Variants in KCNMA1 observed in about 807,000 individuals in gnomAD.
The protein encoded by KCNMA1 is Calcium-activated potassium channel subunit alpha-1.
KCNMA1 carries 29 observed loss-of-function variants against 140.0 expected under a neutral mutation model. The observed-to-expected ratio is 0.21, with a 90% CI of 0.15 to 0.28. The LOEUF is 0.28. Ranked by LOEUF, KCNMA1 falls within the 10% of genes least tolerant of loss-of-function variation. The pLI is 1.00. For synonymous variants in KCNMA1, 612 were observed against 611.9 expected, an observed-to-expected ratio of 1.00 and a Z score of 0.00; for missense variants, 880 against 1,602.2, an observed-to-expected ratio of 0.55 and a Z score of 7.70.
At chr10:77,279,810 T>C (rs1341541961) in intron 2 of KCNMA1, among the ~76,000 whole-genome samples, 1 of 152,182 alleles carries the variant, frequency 6.6e-6, no homozygotes, top group Non-Finnish European at 1.5e-5. Flanking sequence ...GATGGTTTTA[T>C]AAGGAGGGGT....
At chr10:77,004,213 C>CCACACACA (rs35789536) in intron 18 of KCNMA1, among the ~76,000 whole-genome samples, 5,691 of 144,386 alleles carry the variant, frequency 0.039, 186 homozygotes, top group African/African-American at 0.086. Flanking sequence ...ACAAGTGCCA[C>CCACACACA]CACACACACA....
chr10:77,484,050 C>A (rs550390578), intron 1 of KCNMA1, among the ~76,000 whole-genome samples: 18 of 152,328 alleles, frequency 1.2e-4, no homozygotes, highest in Non-Finnish European at 2.5e-4. Context: ...AAGTCACCTA[C>A]GGTGCAAAGG....
At chr10:77,300,455 T>TAAGG (rs1321420140) in intron 2 of KCNMA1, among the ~76,000 whole-genome samples, 2 of 152,338 alleles carry the variant, frequency 1.3e-5, no homozygotes, top group African/African-American at 4.8e-5. Context: ...GTAATCCATA[T>TAAGG]AAGGCACTCT....
chr10:77,082,007 CTTTTTTT>C (rs201288668), intron 12 of KCNMA1, among the ~76,000 whole-genome samples: 3 of 32,514 alleles, frequency 9.2e-5, no homozygotes, highest in Admixed American at 7.3e-4. Context: ...TTTTTCTTTT[CTTTTTTT>C]TTTTTTTTTT....
At chr10:77,397,839 G>T (rs188219851) in intron 2 of KCNMA1, among the ~76,000 whole-genome samples, 162 of 152,116 alleles carry the variant, frequency 1.1e-3, no homozygotes, top group Non-Finnish European at 1.7e-3. Flanking sequence ...ACACTATTTA[G>T]CTCCCACTTA....
At chr10:77,618,052 C>T (rs2090160056) in intron 1 of KCNMA1, among the ~76,000 whole-genome samples, 1 of 152,136 alleles carries the variant, frequency 6.6e-6, no homozygotes, top group Admixed American at 6.5e-5. Context: ...TCCATAACTA[C>T]CCCTACAAAA....
intron 15 of KCNMA1, among the ~76,000 whole-genome samples, chr10:77,033,703 G>A (rs1764360256): frequency 6.6e-6 from 1 of 152,128 alleles, no homozygotes; most frequent in Admixed American, 6.5e-5. Flanking sequence ...CTCCTTCCCT[G>A]ACCCTTCTGT....
chr10:77,010,426 G>A (rs1044147798), intron 18 of KCNMA1, among the ~76,000 whole-genome samples: 4 of 152,006 alleles, frequency 2.6e-5, no homozygotes, highest in African/African-American at 9.7e-5. Context: ...TTCTCTCTTA[G>A]ATGCTCTTCT....
At chr10:77,554,181 G>A (rs960337271) in intron 1 of KCNMA1, among the ~76,000 whole-genome samples, 15 of 152,128 alleles carry the variant, frequency 9.9e-5, no homozygotes, top group African/African-American at 3.1e-4. Flanking sequence ...TGTGTCTTTC[G>A]CCTGCTGAAA....
At position 77,231,127 on chromosome 10, in the gene KCNMA1, T is replaced by C. The variant is rs576884380; in HGVS notation, c.602+20068A>G. On this transcript the variant is annotated intron_variant, in intron 3 of 27. Coordinates refer to ENST00000286628, the MANE Select transcript of KCNMA1 (RefSeq NM_001161352.2). ...TGCTAACATTATCAAAATCCTGTGA[T>C]ACTCAAGGCCCTGAAATGACATTTT... 2.8e-4 allele frequency among the ~76,000 whole-genome samples: 43 copies of C among 152,294 alleles called. 1 individual carries two copies. The South Asian group carries it at 8.5e-3, about 30-fold the overall frequency.
At chr10:77,564,508 G>A (rs1763329885) in intron 1 of KCNMA1, among the ~76,000 whole-genome samples, 1 of 152,172 alleles carries the variant, frequency 6.6e-6, no homozygotes, top group Admixed American at 6.5e-5. Context: ...ACTTGAACCT[G>A]GGAGGCAAAG....
intron 2 of KCNMA1, among the ~76,000 whole-genome samples, chr10:77,401,647 T>C (rs1378797447): frequency 6.6e-6 from 1 of 152,238 alleles, no homozygotes; most frequent in Non-Finnish European, 1.5e-5. Flanking sequence ...TCACTGCAAA[T>C]GCATTCTGTC....
At chr10:76,899,601 C>T (rs1390205381) in intron 25 of KCNMA1, among the ~76,000 whole-genome samples, 1 of 152,120 alleles carries the variant, frequency 6.6e-6, no homozygotes, top group African/African-American at 2.4e-5. Flanking sequence ...GTAGTTGTGA[C>T]AGAGACTATG....
chr10:77,523,211 C>CA lies in KCNMA1; in HGVS notation c.378+114053_378+114054insT, dbSNP rs901289758. Among the ~76,000 whole-genome samples, 8 of 150,244 alleles carry CA rather than the reference C, an allele frequency of 5.3e-5. 1 individual carries two copies. Among genetic ancestry groups the CA allele is most frequent in the African/African-American group, 1.7e-4 (7 of 40,652 alleles). ...TACTCAACCTTGGACGTGCCCCCCC[C>CA]CCTTGCAATCACACCACAGAACCGC... On this transcript the variant is annotated intron_variant, in intron 1 of 27. Transcript: ENST00000286628.
At chr10:77,058,923 A>G (rs1483275172) in intron 14 of KCNMA1, among the ~76,000 whole-genome samples, 1 of 151,970 alleles carries the variant, frequency 6.6e-6, no homozygotes, top group African/African-American at 2.4e-5. Flanking sequence ...GAAATAATAA[A>G]ACCAAAGCCG....
chr10:77,012,290 A>G, intron 17 of KCNMA1: 3 of 1,460,296 alleles, frequency 2.1e-6, no homozygotes, highest in Non-Finnish European at 2.7e-6. Flanking sequence ...GAAACTGGGA[A>G]AAAAGTTGCT....
At chr10:77,164,345 G>C (rs995490346) in intron 5 of KCNMA1, among the ~76,000 whole-genome samples, 1 of 152,194 alleles carries the variant, frequency 6.6e-6, no homozygotes, top group Admixed American at 6.5e-5. Flanking sequence ...CCAGCAGGAA[G>C]AGAGATGACC....
rs1192283050 is a variant in KCNMA1 at position 77,001,802 on chromosome 10, C to T, written c.2093-222G>A. Among the ~76,000 whole-genome samples the T allele has an allele frequency of 3.3e-5, 5 of 152,308 alleles. No individual in the cohort carries two copies. The East Asian group carries it at 5.8e-4, about 18-fold the overall frequency. The stretch of plus-strand genomic sequence containing the variant: ...AAATTGCCTTTATCGTCTCCCAAGG[C>T]TGTTGCACATGATTTTTCTCCCCTA... On this transcript the variant is annotated intron_variant, in intron 18 of 27. Coordinates refer to ENST00000286628, the MANE Select transcript of KCNMA1 (RefSeq NM_001161352.2).
At chr10:77,200,502 T>G (rs2042113158) in intron 3 of KCNMA1, among the ~76,000 whole-genome samples, 2 of 152,284 alleles carry the variant, frequency 1.3e-5, no homozygotes, top group East Asian at 1.9e-4. Context: ...TCAGAGTTCT[T>G]TAGGAAGAGG....
Sources: allele counts gnomAD v4.1 joint callset (sites outside exome capture counted in the v4.1 genomes callset), GRCh38; gene constraint gnomAD v4.1.1; transcripts MANE v1.5; gene names NCBI Gene and HGNC (gene_info 2026-07-23, HGNC 2026-07-21).